NCAM2: variants seen among roughly 807,000 people sequenced by gnomAD.
The protein encoded by NCAM2 is N-CAM-2.
Under a neutral mutation model 98.1 loss-of-function variants are expected in NCAM2, and 30 were observed. The observed-to-expected ratio is 0.31, with a 90% CI of 0.23 to 0.41. The LOEUF (loss-of-function observed/expected upper bound fraction) is 0.41. NCAM2 is among the 10% of genes least tolerant of loss of function. The pLI is 1.00. For missense variants in NCAM2, 867 were observed against 1,005.8 expected, an observed-to-expected ratio of 0.86 and a Z score of 1.87; for synonymous variants, 368 against 342.4, an observed-to-expected ratio of 1.07 and a Z score of -0.83.
In NCAM2 at chr21:21,142,377, G is replaced by GTTTTTTTTTTTTTTTT. The variant is rs10686568; in HGVS notation, c.56-138197_56-138182dup. Among the ~76,000 whole-genome samples the GTTTTTTTTTTTTTTTT allele has an allele frequency of 1.2e-4, 13 of 107,176 alleles. 2 individuals are homozygous for GTTTTTTTTTTTTTTTT. Among genetic ancestry groups the GTTTTTTTTTTTTTTTT allele is most frequent in the Admixed American group, 3.8e-4 (3 of 7,812 alleles). The allele number at this position is 107,176 out of a possible 152,430, so 70.3% of individuals were successfully genotyped here. A position where few individuals can be genotyped will look rare whatever the true frequency, so the allele number is the denominator to read the frequency against. The stretch of plus-strand genomic sequence containing the variant: ...AAATTATTTGACCGTTTTTTTTTAT[G>GTTTTTTTTTTTTTTTT]TTTTTTTTTTTTTTTTTTTGAGATA... On this transcript the variant is annotated intron_variant, in intron 1 of 17. Coordinates refer to ENST00000400546, the MANE Select transcript of NCAM2 (RefSeq NM_004540.5).
intron 16 of NCAM2, among the ~76,000 whole-genome samples, chr21:21,524,572 G>GA (rs1406294932): frequency 1.3e-5 from 2 of 150,076 alleles, no homozygotes; most frequent in South Asian, 2.1e-4. Context: ...AAGATAAAAA[G>GA]AAAAAAAGTA....
chr21:21,032,183 TAAA>T (rs1317357902), intron 1 of NCAM2, among the ~76,000 whole-genome samples: 4 of 70,500 alleles, frequency 5.7e-5, no homozygotes, highest in Admixed American at 3.6e-4. Context: ...AATAACTCTA[TAAA>T]TAATATTTTC....
At chr21:21,514,088 T>C (rs1033003715) in intron 16 of NCAM2, among the ~76,000 whole-genome samples, 4 of 151,400 alleles carry the variant, frequency 2.6e-5, no homozygotes, top group African/African-American at 9.7e-5. Flanking sequence ...ACATATAAAT[T>C]ATGTATATAC....
At chr21:21,294,905 A>T (rs77558098) in intron 5 of NCAM2, among the ~76,000 whole-genome samples, 4,420 of 151,842 alleles carry the variant, frequency 0.029, 201 homozygotes, top group African/African-American at 0.1. Context: ...AAAAAATAAT[A>T]CCAATAAAAT....
chr21:21,129,819 G>A (rs2066899334), intron 1 of NCAM2, among the ~76,000 whole-genome samples: 1 of 152,188 alleles, frequency 6.6e-6, no homozygotes, highest in African/African-American at 2.4e-5. Context: ...TAAATTCATT[G>A]TATGATGAAT....
chr21:21,490,580 T>G (rs925033888), intron 15 of NCAM2, among the ~76,000 whole-genome samples: 9 of 151,918 alleles, frequency 5.9e-5, no homozygotes, highest in African/African-American at 1.7e-4. Flanking sequence ...TTTTATTCTA[T>G]GTATGTACTG....
In NCAM2 at chr21:21,127,326, T is replaced by G. The variant is rs556349876; in HGVS notation, c.55+128708T>G. On this transcript the variant is annotated intron_variant, in intron 1 of 17. Coordinates refer to ENST00000400546, the MANE Select transcript of NCAM2 (RefSeq NM_004540.5). ...ATAGTCAATAAATTTATTTATTTTA[T>G]TTTTTGATACGAAATAATTGTACGT... Among the ~76,000 whole-genome samples, 7 of 152,118 alleles carry G rather than the reference T, an allele frequency of 4.6e-5. 2 individuals carry two copies. The highest frequency in any genetic ancestry group is 1.7e-4 in the African/African-American group (7 of 41,572).
rs990319800 is a variant in NCAM2, at chr21:21,254,643, A to G, written c.56-25935A>G. On this transcript the variant is annotated intron_variant, in intron 1 of 17. Coordinates refer to ENST00000400546, the MANE Select transcript of NCAM2 (RefSeq NM_004540.5). ...CATGCTAATGGCTGAAGTTGGCCCT[A>G]TGATATTATGAAGCTCATTTCACCA... 1.2e-4 allele frequency among the ~76,000 whole-genome samples: 18 copies of G among 152,158 alleles called. 1 individual carries two copies. Among genetic ancestry groups the G allele is most frequent in the Admixed American group, 1.1e-3 (17 of 15,270 alleles).
Position 21,127,523 on chromosome 21 carries a change from A to G in NCAM2, c.55+128905A>G, listed in dbSNP as rs572100583. On this transcript the variant is annotated intron_variant, in intron 1 of 17. Coordinates refer to ENST00000400546, the MANE Select transcript of NCAM2 (RefSeq NM_004540.5). ...ACTATAATTTCTCTGTAACTATAGT[A>G]GCCTTATTGTGCTATCGAACACTAG... 1.1e-4 allele frequency among the ~76,000 whole-genome samples: 17 copies of G among 152,240 alleles called. No individual in the cohort carries two copies. In the South Asian group the frequency reaches 3.5e-3, roughly 32 times the overall value.
At chr21:21,092,142 G>T (rs1324449395) in intron 1 of NCAM2, among the ~76,000 whole-genome samples, 3 of 152,014 alleles carry the variant, frequency 2.0e-5, no homozygotes, top group Admixed American at 6.6e-5. Flanking sequence ...GTGATCACAA[G>T]GGTCTGTTTA....
intron 1 of NCAM2, among the ~76,000 whole-genome samples, chr21:21,174,580 G>C (rs914317026): frequency 4.6e-5 from 7 of 152,124 alleles, no homozygotes; most frequent in African/African-American, 1.7e-4. Context: ...TTTCTGGAAG[G>C]CAATAAGTAT....
intron 1 of NCAM2, among the ~76,000 whole-genome samples, chr21:21,191,344 T>C (rs572238925): frequency 6.6e-6 from 1 of 152,368 alleles, no homozygotes; most frequent in East Asian, 1.9e-4. Flanking sequence ...CCCTGACTTC[T>C]TTTCTTAATG....
At chr21:21,378,077 TC>T in intron 9 of NCAM2, among the ~76,000 whole-genome samples, 1 of 152,148 alleles carries the variant, frequency 6.6e-6, no homozygotes, top group South Asian at 2.1e-4. Context: ...CTTTATCCTT[TC>T]ATTCATTGGT....
intron 1 of NCAM2, among the ~76,000 whole-genome samples, chr21:21,060,709 C>T (rs560911653): frequency 6.6e-6 from 1 of 152,078 alleles, no homozygotes; most frequent in Non-Finnish European, 1.5e-5. Context: ...CATAGACACA[C>T]ACAGACATTT....
intron 1 of NCAM2, among the ~76,000 whole-genome samples, chr21:21,102,418 A>T (rs2066261603): frequency 6.6e-6 from 1 of 152,048 alleles, no homozygotes; most frequent in Non-Finnish European, 1.5e-5. Flanking sequence ...TTCTCAGGTT[A>T]TATTTAATAT....
chr21:21,435,697 G>A (rs1441012557), intron 12 of NCAM2, among the ~76,000 whole-genome samples: 6 of 152,020 alleles, frequency 3.9e-5, no homozygotes, highest in Admixed American at 6.6e-5. Flanking sequence ...AAACATGCCC[G>A]CTACATGTTT....
At chr21:21,455,676 A>T (rs901679362) in intron 12 of NCAM2, among the ~76,000 whole-genome samples, 1 of 152,044 alleles carries the variant, frequency 6.6e-6, no homozygotes, top group Admixed American at 6.6e-5. Context: ...AATTCTTGTC[A>T]CAAATATTTA....
intron 1 of NCAM2, among the ~76,000 whole-genome samples, chr21:21,254,230 A>G (rs1469868965): frequency 2.0e-5 from 3 of 152,230 alleles, no homozygotes; most frequent in African/African-American, 7.2e-5. Flanking sequence ...GACAGAATTT[A>G]TAACATAAAT....
chr21:21,110,916 C>T (rs574372711), intron 1 of NCAM2, among the ~76,000 whole-genome samples: 1 of 152,026 alleles, frequency 6.6e-6, no homozygotes, highest in Non-Finnish European at 1.5e-5. Flanking sequence ...AAAAGGGCTC[C>T]TGGACATGGT....
Sources: gnomAD v4.1 joint callset for allele counts (sites outside exome capture counted in the v4.1 genomes callset) on GRCh38, gnomAD v4.1.1 for gene constraint, MANE v1.5 for transcripts, NCBI Gene and HGNC (gene_info 2026-07-23, HGNC 2026-07-21) for gene names.